The following ZNF521 variants were observed in gnomAD, a reference collection of about 807,000 sequenced individuals.
The protein encoded by ZNF521 is LYST-interacting protein 3.
Under a neutral mutation model 105.5 loss-of-function variants are expected in ZNF521, and 14 were observed. The ratio of observed to expected loss-of-function variants is 0.13; its 90% CI spans 0.09 to 0.21. The LOEUF (loss-of-function observed/expected upper bound fraction) is 0.21. ZNF521 is among the 10% of genes least tolerant of loss of function. The pLI is 1.00. For synonymous variants in ZNF521, 635 were observed against 606.0 expected (o/e 1.05, Z -0.70); for missense variants, 1,233 against 1,629.7 (o/e 0.76, Z 4.19).
At chr18:25,095,270 A>G (rs2144232281) in intron 5 of ZNF521, among the ~76,000 whole-genome samples, 1 of 152,290 alleles carries the variant, frequency 6.6e-6, no homozygotes, top group Middle Eastern at 3.4e-3. Flanking sequence ...CATAACCTGA[A>G]TTGTGTCTTT....
At chr18:25,345,831 G>T (rs976796987) in intron 2 of ZNF521, among the ~76,000 whole-genome samples, 9 of 152,190 alleles carry the variant, frequency 5.9e-5, no homozygotes, top group African/African-American at 1.9e-4. Flanking sequence ...AAGAACATTT[G>T]CAAGTGTCTG....
At chr18:25,215,089 C>T (rs1156445439) in intron 4 of ZNF521, among the ~76,000 whole-genome samples, 1 of 152,002 alleles carries the variant, frequency 6.6e-6, no homozygotes, top group Admixed American at 6.6e-5. Flanking sequence ...GGGAGTTAAA[C>T]AGAAGTTGAG....
intron 4 of ZNF521, among the ~76,000 whole-genome samples, chr18:25,209,925 GACTAA>G (rs902819398): frequency 7.4e-4 from 113 of 152,064 alleles, no homozygotes; most frequent in African/African-American, 2.3e-3. Context: ...TTGATTTTAA[GACTAA>G]ACTATGTTTT....
intron 5 of ZNF521, among the ~76,000 whole-genome samples, chr18:25,179,715 C>T (rs1399073642): frequency 6.6e-6 from 1 of 152,158 alleles, no homozygotes; most frequent in African/African-American, 2.4e-5. Flanking sequence ...ATATAAGCTC[C>T]ACAGTATTCA....
chr18:25,263,904 T>C (rs4390668), intron 3 of ZNF521, among the ~76,000 whole-genome samples: 65,768 of 152,072 alleles, frequency 0.43, 15,474 homozygotes, highest in African/African-American at 0.63. Flanking sequence ...TTAACCTATA[T>C]GTAAGAATGA....
chr18:25,327,635 A>G (rs931697713), intron 2 of ZNF521: 2 of 521,764 alleles, frequency 3.8e-6, no homozygotes, highest in African/African-American at 3.8e-5. Context: ...CAAAAACCAA[A>G]GGGCGGGATC....
intron 2 of ZNF521, among the ~76,000 whole-genome samples, chr18:25,335,613 A>G (rs950599658): frequency 3.3e-5 from 5 of 152,156 alleles, no homozygotes; most frequent in African/African-American, 4.8e-5. Flanking sequence ...GCCTCGCTCA[A>G]TCCTCTTGGC....
At chr18:25,321,961 G>C (rs1213675084) in intron 3 of ZNF521, 47 bp downstream of exon 3, 1 of 1,538,772 alleles carries the variant, frequency 6.5e-7, no homozygotes, top group East Asian at 2.3e-5. Context: ...GAAAAAATCA[G>C]AAATAGAACA....
chr18:25,154,980 A>G (rs1162085794), intron 5 of ZNF521, among the ~76,000 whole-genome samples: 1 of 152,218 alleles, frequency 6.6e-6, no homozygotes, highest in South Asian at 2.1e-4. Context: ...TGTTTTCTAT[A>G]ATGGTTGCAC....
intron 7 of ZNF521, among the ~76,000 whole-genome samples, chr18:25,077,306 A>G (rs2144150421): frequency 6.6e-6 from 1 of 152,228 alleles, no homozygotes; most frequent in Non-Finnish European, 1.5e-5. Context: ...CCCCTTATAA[A>G]TCTGCCCCAA....
At chr18:25,074,086 G>C (rs1269543511) in intron 7 of ZNF521, among the ~76,000 whole-genome samples, 3 of 152,208 alleles carry the variant, frequency 2.0e-5, no homozygotes, top group African/African-American at 7.2e-5. Flanking sequence ...GTGCGTGTGT[G>C]CACGCGCACG....
chr18:25,298,814 G>A (rs546097126), intron 3 of ZNF521, among the ~76,000 whole-genome samples: 1 of 152,184 alleles, frequency 6.6e-6, no homozygotes, highest in Non-Finnish European at 1.5e-5. Context: ...TTCACAGGTA[G>A]TAACTGTAAC....
chr18:25,284,830 A>G (rs1319493300), intron 3 of ZNF521, among the ~76,000 whole-genome samples: 5 of 152,120 alleles, frequency 3.3e-5, no homozygotes, highest in African/African-American at 1.2e-4. Context: ...GCACCTAAAA[A>G]TGAAAACAAC....
intron 5 of ZNF521, among the ~76,000 whole-genome samples, chr18:25,141,163 C>T (rs981086050): frequency 6.6e-6 from 1 of 152,138 alleles, no homozygotes; most frequent in African/African-American, 2.4e-5. Context: ...CAGAACAATG[C>T]TTTAATGAAA....
In ZNF521 at chr18:25,074,062, G is replaced by GTCCGTGTGCA. The variant is rs372237076; in HGVS notation, c.3907-11322_3907-11321insTGCACACGGA. 2.0e-5 allele frequency among the ~76,000 whole-genome samples: 3 copies of GTCCGTGTGCA among 151,820 alleles called. No individual in the cohort carries two copies. The East Asian group carries it at 6.1e-4, about 31-fold the overall frequency. On this transcript the variant is annotated intron_variant, in intron 7 of 7. Transcript: ENST00000361524. ...TGTGTGTGTCTGTGCACATGTGTGC[G>GTCCGTGTGCA]CACGCGTGTGTGCGTGCGTGTGTGC...
chr18:25,150,889 TTC>T (rs1484101570), intron 5 of ZNF521, among the ~76,000 whole-genome samples: 1 of 137,268 alleles, frequency 7.3e-6, no homozygotes, highest in African/African-American at 2.6e-5. Context: ...TTTTTCTTTT[TTC>T]TTTTTTTTTT....
At chr18:25,073,111 C>T (rs557684278) in intron 7 of ZNF521, among the ~76,000 whole-genome samples, 7 of 152,204 alleles carry the variant, frequency 4.6e-5, no homozygotes, top group East Asian at 1.9e-4. Flanking sequence ...CGCCAGCTCT[C>T]GGTGCACACA....
At chr18:25,220,795 G>C (rs765214213) in intron 4 of ZNF521, among the ~76,000 whole-genome samples, 1 of 152,184 alleles carries the variant, frequency 6.6e-6, no homozygotes, top group South Asian at 2.1e-4. Context: ...AGAAGAATAC[G>C]TGTTTCCAAA....
At chr18:25,262,089 A>G (rs9962311) in intron 3 of ZNF521, among the ~76,000 whole-genome samples, 10,666 of 152,244 alleles carry the variant, frequency 0.07, 458 homozygotes, top group African/African-American at 0.12. Flanking sequence ...AGAAGTCCCT[A>G]TACAGTACAA....
Sources: gnomAD v4.1 joint callset for allele counts (sites outside exome capture counted in the v4.1 genomes callset) on GRCh38, gnomAD v4.1.1 for gene constraint, MANE v1.5 for transcripts, NCBI Gene and HGNC (gene_info 2026-07-23, HGNC 2026-07-21) for gene names.